The following ZFAND3 variants were observed in gnomAD, a reference collection of about 807,000 sequenced individuals.
The protein encoded by ZFAND3 is AN1-type zinc finger protein 3.
ZFAND3 carries 10 observed loss-of-function variants against 29.6 expected under a neutral mutation model. The observed-to-expected ratio is 0.34, with a 90% confidence interval of 0.21 to 0.57. ZFAND3 has a LOEUF of 0.57. Among genes scored for constraint, ZFAND3 ranks in the 20% least tolerant of loss-of-function variants. ZFAND3 has a pLI of 0.86. For synonymous variants in ZFAND3, 128 were observed against 112.6 expected (o/e 1.14, Z -0.87); for missense variants, 230 against 304.5 (o/e 0.76, Z 1.82).
intron 4 of ZFAND3, among the ~76,000 whole-genome samples, chr6:38,106,863 A>G (rs908462343): frequency 6.6e-6 from 1 of 152,180 alleles, no homozygotes; most frequent in Admixed American, 6.5e-5. Flanking sequence ...ATGGCCCTGG[A>G]CAGAGTAGAC....
rs570990845 is a variant in ZFAND3 at position 37,822,683 on chromosome 6, G to A, written c.71+2667G>A. On this transcript the variant is annotated intron_variant, in intron 1 of 5. Coordinates refer to ENST00000287218, the MANE Select transcript of ZFAND3 (RefSeq NM_021943.3). Reference sequence around the variant, plus strand: ...ACCTACCCTAGCTGGGGTGGAGGTAGAGGAAAGTAGCCTGGAGAAAGTGAC... The same window carrying A: ...ACCTACCCTAGCTGGGGTGGAGGTAAAGGAAAGTAGCCTGGAGAAAGTGAC... Among the ~76,000 whole-genome samples, 23 of 152,290 alleles carry A rather than the reference G, an allele frequency of 1.5e-4. No individual in the cohort carries two copies. In the South Asian group the frequency reaches 3.3e-3, roughly 22 times the overall value.
intron 2 of ZFAND3, among the ~76,000 whole-genome samples, chr6:37,995,772 A>AT (rs58357757): frequency 0.097 from 14,743 of 152,036 alleles, 972 homozygotes; most frequent in East Asian, 0.32. Context: ...AGTGCATGTG[A>AT]TTTTTTTTAA....
chr6:37,914,667 T>TC (rs1383541940), intron 1 of ZFAND3, among the ~76,000 whole-genome samples: 12 of 112,406 alleles, frequency 1.1e-4, no homozygotes, highest in African/African-American at 4.5e-4. Flanking sequence ...TCTTTCTTTT[T>TC]TTTTCTTTTT....
chr6:38,014,162 G>C (rs548894236), intron 2 of ZFAND3, among the ~76,000 whole-genome samples: 237 of 152,214 alleles, frequency 1.6e-3, no homozygotes, highest in African/African-American at 5.3e-3. Flanking sequence ...TTCTATAAAG[G>C]CTGTATGGGA....
At chr6:38,123,747 T>C (rs1765577815) in intron 5 of ZFAND3, among the ~76,000 whole-genome samples, 1 of 152,152 alleles carries the variant, frequency 6.6e-6, no homozygotes. Flanking sequence ...TTAAAGGTGA[T>C]GTGTCCGGAG....
chr6:37,995,027 C>A (rs1762826748), intron 2 of ZFAND3, among the ~76,000 whole-genome samples: 1 of 152,084 alleles, frequency 6.6e-6, no homozygotes, highest in Non-Finnish European at 1.5e-5. Flanking sequence ...TTAACAGCTC[C>A]TTTGAATGTG....
At chr6:38,029,200 A>T (rs1763503670) in intron 2 of ZFAND3, among the ~76,000 whole-genome samples, 1 of 152,202 alleles carries the variant, frequency 6.6e-6, no homozygotes, top group Admixed American at 6.5e-5. Flanking sequence ...AGTACAGCTT[A>T]TAAAACACTT....
intron 2 of ZFAND3, among the ~76,000 whole-genome samples, chr6:38,034,744 G>C (rs1763626386): frequency 6.6e-6 from 1 of 152,170 alleles, no homozygotes; most frequent in Non-Finnish European, 1.5e-5. Flanking sequence ...GAGGAATTAA[G>C]TTGAGTCCTC....
chr6:38,105,796 A>G (rs1428425519), intron 4 of ZFAND3, among the ~76,000 whole-genome samples: 1 of 152,240 alleles, frequency 6.6e-6, no homozygotes, highest in Non-Finnish European at 1.5e-5. Flanking sequence ...ATTTAATAAT[A>G]AAAAGAAAAT....
At chr6:37,918,951 C>CTTTTTTTTTTGTTTTTTT (rs1761319232) in intron 1 of ZFAND3, among the ~76,000 whole-genome samples, 1 of 104,738 alleles carries the variant, frequency 9.5e-6, no homozygotes, top group Non-Finnish European at 1.8e-5. Context: ...TGAAAAATGC[C>CTTTTTTTTTTGTTTTTTT]TTTTTTTTTT....
chr6:37,991,618 G>A (rs1762760056), intron 2 of ZFAND3, among the ~76,000 whole-genome samples: 1 of 152,190 alleles, frequency 6.6e-6, no homozygotes, highest in South Asian at 2.1e-4. Context: ...CTCCCAAAGT[G>A]CTGGGGTTGT....
At chr6:38,033,928 G>C (rs934546676) in intron 2 of ZFAND3, among the ~76,000 whole-genome samples, 1 of 151,976 alleles carries the variant, frequency 6.6e-6, no homozygotes, top group Non-Finnish European at 1.5e-5. Context: ...GTTTAAAAGG[G>C]TACTTACTGT....
chr6:38,086,605 A>G (rs570889852), intron 4 of ZFAND3, among the ~76,000 whole-genome samples: 159 of 152,372 alleles, frequency 1.0e-3, no homozygotes, highest in African/African-American at 2.6e-3. Flanking sequence ...CTTGGCAACA[A>G]ACTACAAGAA....
chr6:37,914,880 C>T (rs1452202195), intron 1 of ZFAND3, among the ~76,000 whole-genome samples: 1 of 146,522 alleles, frequency 6.8e-6, no homozygotes, highest in Non-Finnish European at 1.5e-5. Context: ...AAGTCACCAG[C>T]TGCCTTAGCC....
chr6:38,061,443 C>T (rs1764237556), intron 2 of ZFAND3, 150 bp from the exon 3 acceptor site: 3 of 919,406 alleles, frequency 3.3e-6, no homozygotes, highest in Admixed American at 2.9e-5. Context: ...ACGTTTTTGA[C>T]CAGTGTTTTA....
intron 2 of ZFAND3, among the ~76,000 whole-genome samples, chr6:37,971,755 A>G (rs890059330): frequency 1.3e-5 from 2 of 151,652 alleles, no homozygotes; most frequent in Non-Finnish European, 2.9e-5. Flanking sequence ...TTGGGAGGTC[A>G]AAGCGGGAGG....
chr6:37,965,200 A>G (rs906935231), intron 2 of ZFAND3, among the ~76,000 whole-genome samples: 1 of 152,186 alleles, frequency 6.6e-6, no homozygotes, highest in Admixed American at 6.5e-5. Context: ...CTGTCAAGTT[A>G]TTATAAAATT....
At chr6:37,851,950 T>G (rs1764289418) in intron 1 of ZFAND3, among the ~76,000 whole-genome samples, 1 of 152,214 alleles carries the variant, frequency 6.6e-6, no homozygotes, top group African/African-American at 2.4e-5. Context: ...GCTGATACAT[T>G]GCAGTAAAGT....
Position 37,887,659 on chromosome 6 carries a change from G to A in ZFAND3, c.72-42300G>A, listed in dbSNP as rs561929008. ...TGGTTTGGTGCTAGATGCAACTGTC[G>A]TAAATATACCATGTATGCATCTTCT... is the stretch of plus-strand genomic sequence containing the variant. On this transcript the variant is annotated intron_variant, in intron 1 of 5. Coordinates refer to ENST00000287218, the MANE Select transcript of ZFAND3 (RefSeq NM_021943.3). 7.9e-5 allele frequency among the ~76,000 whole-genome samples: 12 copies of A among 152,290 alleles called. No homozygotes were observed. The South Asian group carries it at 2.3e-3, about 29-fold the overall frequency.
Sources: allele counts gnomAD v4.1 joint callset (sites outside exome capture counted in the v4.1 genomes callset), GRCh38; gene constraint gnomAD v4.1.1; transcripts MANE v1.5; gene names NCBI Gene and HGNC (gene_info 2026-07-23, HGNC 2026-07-21).